The following MGAT4C variants were observed in gnomAD, a reference collection of about 807,000 sequenced individuals.
MGAT4C encodes the protein alpha-1,3-mannosyl-glycoprotein 4-beta-N-acetylglucosaminyltransferase C.
A neutral mutation model predicts 40.1 loss-of-function variants in MGAT4C; 19 were observed. That is an observed-to-expected ratio of 0.47 (90% CI 0.33 to 0.70). The LOEUF is 0.70. Ranked by LOEUF, MGAT4C falls within the 30% of genes least tolerant of loss-of-function variation. The pLI, the probability that MGAT4C is intolerant of heterozygous loss-of-function variation, is 0.02. For synonymous variants in MGAT4C, 181 were observed against 187.1 expected (o/e 0.97, Z 0.27); for missense variants, 491 against 563.2 (o/e 0.87, Z 1.30).
chr12:85,992,534 T>C (rs1886075832), intron 2 of MGAT4C, among the ~76,000 whole-genome samples: 1 of 152,200 alleles, frequency 6.6e-6, no homozygotes, highest in Non-Finnish European at 1.5e-5. Context: ...TTATATACAA[T>C]GTTAAATGTT....
chr12:86,679,116 G>A lies in MGAT4C; in HGVS notation c.-229+48093C>T, dbSNP rs1028052183. Among the ~76,000 whole-genome samples, 9 of 152,060 alleles carry A rather than the reference G, an allele frequency of 5.9e-5. No homozygotes were observed. The East Asian group carries it at 1.4e-3, about 23-fold the overall frequency. The stretch of plus-strand genomic sequence containing the variant: ...GTTGTTTCCTGACTTTTTAATGATC[G>A]CCATTCTAACTGGTGTGAGATGGTA... On this transcript the variant is annotated intron_variant, in intron 2 of 7. Transcript: ENST00000548651.
chr12:86,811,944 C>T (rs1463896481), intron 1 of MGAT4C, among the ~76,000 whole-genome samples: 1 of 152,252 alleles, frequency 6.6e-6, no homozygotes, highest in Admixed American at 6.5e-5. Context: ...AATGTAAGCA[C>T]TTCATGCTAT....
intron 1 of MGAT4C, among the ~76,000 whole-genome samples, chr12:86,811,436 A>G (rs1362548714): frequency 1.4e-5 from 2 of 144,484 alleles, no homozygotes; most frequent in Non-Finnish European, 3.0e-5. Flanking sequence ...TCCACCTCCT[A>G]CGTTAGGTAA....
At chr12:86,543,999 T>C (rs561189236) in intron 2 of MGAT4C, among the ~76,000 whole-genome samples, 1 of 152,272 alleles carries the variant, frequency 6.6e-6, no homozygotes, top group African/African-American at 2.4e-5. Flanking sequence ...CACGATGATA[T>C]AAGGATACTA....
At chr12:86,446,680 T>TATATATATATATATACATATAC (rs1470680602) in intron 2 of MGAT4C, among the ~76,000 whole-genome samples, 2 of 120,134 alleles carry the variant, frequency 1.7e-5, no homozygotes. Flanking sequence ...TATATATATA[T>TATATATATATATATACATATAC]ATATATATAT....
rs141928974 is a variant in MGAT4C at position 86,604,850 on chromosome 12, G to A, written c.-229+122359C>T. 2.5e-3 allele frequency among the ~76,000 whole-genome samples: 387 copies of A among 152,080 alleles called. 1 individual carries two copies. Among genetic ancestry groups the A allele is most frequent in the African/African-American group, 9.2e-3 (380 of 41,500 alleles). Reference sequence around the variant, plus strand: ...ATGCAGCAAACAAGAAAAAAGCTTCGGTTCTCATCTTTGAAGGTCATAAGA... The same window carrying A: ...ATGCAGCAAACAAGAAAAAAGCTTCAGTTCTCATCTTTGAAGGTCATAAGA... On this transcript the variant is annotated intron_variant, in intron 2 of 7. Coordinates refer to the MGAT4C transcript ENST00000548651.
At chr12:86,365,437 A>G (rs1283546257) in intron 3 of MGAT4C, among the ~76,000 whole-genome samples, 1 of 152,190 alleles carries the variant, frequency 6.6e-6, no homozygotes, top group Non-Finnish European at 1.5e-5. Context: ...GGATGACGGG[A>G]TTAAGAGATT....
intron 2 of MGAT4C, among the ~76,000 whole-genome samples, chr12:86,453,929 G>A (rs1480317499): frequency 6.6e-6 from 1 of 151,846 alleles, no homozygotes; most frequent in Non-Finnish European, 1.5e-5. Flanking sequence ...CCATGCACCA[G>A]GATTAGATTC....
intron 1 of MGAT4C, among the ~76,000 whole-genome samples, chr12:86,107,655 C>A (rs1017092503): frequency 6.6e-6 from 1 of 152,022 alleles, no homozygotes; most frequent in Admixed American, 6.6e-5. Context: ...GTAGTTGTTA[C>A]TAATATGCTA....
chr12:86,236,570 T>G (rs1224762892), intron 1 of MGAT4C, among the ~76,000 whole-genome samples: 3 of 151,940 alleles, frequency 2.0e-5, no homozygotes, highest in Non-Finnish European at 4.4e-5. Flanking sequence ...CAAAACCAAG[T>G]GCCAAAAAGT....
At chr12:86,262,772 T>C (rs1952687317) in intron 4 of MGAT4C, among the ~76,000 whole-genome samples, 1 of 152,056 alleles carries the variant, frequency 6.6e-6, no homozygotes, top group Non-Finnish European at 1.5e-5. Flanking sequence ...TTGATAAACC[T>C]TTTAAAGGTA....
intron 1 of MGAT4C, among the ~76,000 whole-genome samples, chr12:86,205,845 T>C (rs1950229376): frequency 6.6e-6 from 1 of 152,098 alleles, no homozygotes; most frequent in Non-Finnish European, 1.5e-5. Context: ...CAATGGTACT[T>C]TGTGAACTTC....
chr12:85,972,798 G>A lies in MGAT4C; in HGVS notation c.*6491C>T, dbSNP rs1337264319. ...TGGAACTATACTTTCACTCATTGAT[G>A]AAGTAAGTTACAACGTGGAATAACA... On this transcript the variant is annotated 3_prime_UTR_variant, in exon 5 of 5. Coordinates refer to ENST00000611864, the MANE Select transcript of MGAT4C (RefSeq NM_001351288.2). 2.0e-5 allele frequency: 3 copies of A among 151,058 alleles called. No homozygotes were observed. Among genetic ancestry groups the A allele is most frequent in the African/African-American group, 7.3e-5 (3 of 41,350 alleles). 9.4% of individuals were successfully genotyped at this position (151,058 alleles called of 1,614,324 possible). A position where few individuals can be genotyped will look rare whatever the true frequency, so the allele number is the denominator to read the frequency against.
At chr12:86,708,593 C>T (rs1005762430) in intron 2 of MGAT4C, among the ~76,000 whole-genome samples, 14 of 152,078 alleles carry the variant, frequency 9.2e-5, no homozygotes, top group South Asian at 2.1e-4. Flanking sequence ...AGACACTCAG[C>T]GCTAGCCTTT....
intron 4 of MGAT4C, among the ~76,000 whole-genome samples, chr12:85,983,103 T>C (rs1174744695): frequency 7.2e-6 from 1 of 138,966 alleles, no homozygotes; most frequent in Non-Finnish European, 1.7e-5. Flanking sequence ...TGGTAATTCG[T>C]TATGGCAGAC....
intron 2 of MGAT4C, among the ~76,000 whole-genome samples, chr12:86,526,499 T>C (rs562362308): frequency 7.2e-5 from 11 of 152,222 alleles, no homozygotes; most frequent in Admixed American, 7.2e-4. Flanking sequence ...TGGAGCTCTC[T>C]GCTGGTCAGG....
chr12:86,572,827 A>ATC (rs148759916), intron 2 of MGAT4C, among the ~76,000 whole-genome samples: 59 of 150,674 alleles, frequency 3.9e-4, no homozygotes, highest in African/African-American at 1.3e-3. Context: ...TTATCAAATC[A>ATC]TCTCTCTCTC....
rs539200847 is a variant in MGAT4C, at chr12:86,186,643, C to T, written c.-57+69596G>A. Among the ~76,000 whole-genome samples, 8 of 152,232 alleles carry T rather than the reference C, an allele frequency of 5.3e-5. No individual in the cohort carries two copies. The Middle Eastern group carries it at 0.01, about 194-fold the overall frequency. On this transcript the variant is annotated intron_variant, in intron 1 of 4. Coordinates refer to ENST00000611864, the MANE Select transcript of MGAT4C (RefSeq NM_001351288.2). ...TCATGGGAGATTCAATGCTCAACCA[C>T]GACCCCTAGTTGCACAGGAGAAGCA...
At position 85,979,227 on chromosome 12, in the gene MGAT4C, A is replaced by G. The variant is rs1884246818; in HGVS notation, c.*62T>C. ...TCCATTGCTTTCCCTCCAAAAGACA[A>G]AGGTAGCAAAAGACGAAGCAGGAAG... On this transcript the variant is annotated 3_prime_UTR_variant, in exon 5 of 5. Transcript: ENST00000611864. The G allele has an allele frequency of 7.4e-7, 1 of 1,347,930 alleles. No homozygotes were observed. Among genetic ancestry groups the G allele is most frequent in the Non-Finnish European group, 1.0e-6 (1 of 986,238 alleles). The allele number at this position is 1,347,930 out of a possible 1,614,324, so 83.5% of individuals were successfully genotyped here. A position where few individuals can be genotyped will look rare whatever the true frequency, so the allele number is the denominator to read the frequency against.
Sources: gnomAD v4.1 joint callset for allele counts (sites outside exome capture counted in the v4.1 genomes callset) on GRCh38, gnomAD v4.1.1 for gene constraint, MANE v1.5 for transcripts, NCBI Gene and HGNC (gene_info 2026-07-23, HGNC 2026-07-21) for gene names.